The following LRFN2 variants were observed in gnomAD, a reference collection of about 807,000 sequenced individuals.
LRFN2 encodes leucine-rich repeat and fibronectin type-III domain-containing protein 2.
LRFN2 carries 18 observed loss-of-function variants against 37.3 expected under a neutral mutation model. The observed-to-expected ratio is 0.48, with a 90% CI of 0.33 to 0.72. The LOEUF (loss-of-function observed/expected upper bound fraction) is 0.72, where lower values mean the gene tolerates loss of function less well. LRFN2 is among the 30% of genes least tolerant of loss of function. The pLI is 0.02. For synonymous variants in LRFN2, 556 were observed against 466.6 expected (o/e 1.19, Z -2.47); for missense variants, 1,006 against 1,060.7 (o/e 0.95, Z 0.72).
In LRFN2 at chr6:40,425,927, T is replaced by TA. The variant is rs545067809; in HGVS notation, c.1400+5786dup. ...CCATGCCTCTGCTCCTCCTTCCTGG[T>TA]ATGTAGACTAGACCCTGATGTTTTC... On this transcript the variant is annotated intron_variant, in intron 2 of 2. Coordinates refer to ENST00000338305, the MANE Select transcript of LRFN2 (RefSeq NM_020737.3). 3.2e-4 allele frequency among the ~76,000 whole-genome samples: 48 copies of TA among 152,358 alleles called. 1 individual carries two copies. The South Asian group carries it at 1.0e-2, about 32-fold the overall frequency.
chr6:40,578,240 G>A (rs902696788), intron 1 of LRFN2, among the ~76,000 whole-genome samples: 1 of 152,184 alleles, frequency 6.6e-6, no homozygotes, highest in Non-Finnish European at 1.5e-5. Context: ...AGCCTGGAAT[G>A]AGATCTTCCT....
chr6:40,545,383 C>CA (rs547488706), intron 1 of LRFN2, among the ~76,000 whole-genome samples: 76 of 152,304 alleles, frequency 5.0e-4, no homozygotes, highest in African/African-American at 1.8e-3. Context: ...CGAGGCCCCT[C>CA]ACTCACTCAT....
At chr6:40,515,246 G>A (rs1013586975) in intron 1 of LRFN2, among the ~76,000 whole-genome samples, 1 of 152,148 alleles carries the variant, frequency 6.6e-6, no homozygotes, top group African/African-American at 2.4e-5. Context: ...GCAGGGGAAT[G>A]TCATATATGT....
intron 1 of LRFN2, among the ~76,000 whole-genome samples, chr6:40,488,699 T>G (rs1355183448): frequency 6.6e-6 from 1 of 152,118 alleles, no homozygotes; most frequent in Non-Finnish European, 1.5e-5. Context: ...CCTACAACCT[T>G]TAGAAGGACT....
chr6:40,534,740 C>T (rs1269900022), intron 1 of LRFN2, among the ~76,000 whole-genome samples: 2 of 152,180 alleles, frequency 1.3e-5, no homozygotes, highest in Admixed American at 6.5e-5. Context: ...ATCACTCTCC[C>T]CAGGTCTCTG....
intron 1 of LRFN2, among the ~76,000 whole-genome samples, chr6:40,541,759 C>G (rs998564573): frequency 7.2e-5 from 11 of 152,210 alleles, no homozygotes; most frequent in African/African-American, 2.7e-4. Context: ...GCAGAAGATG[C>G]AGGGATACAT....
At chr6:40,444,615 C>T (rs1048918746) in intron 1 of LRFN2, among the ~76,000 whole-genome samples, 3 of 152,168 alleles carry the variant, frequency 2.0e-5, no homozygotes, top group African/African-American at 4.8e-5. Flanking sequence ...GTTCTATAAG[C>T]TGGGTCCCTG....
At chr6:40,472,059 A>G (rs1300795452) in intron 1 of LRFN2, among the ~76,000 whole-genome samples, 2 of 152,204 alleles carry the variant, frequency 1.3e-5, no homozygotes, top group African/African-American at 4.8e-5. Context: ...GGTCCTAAAC[A>G]TGAGCTCCCC....
At chr6:40,458,218 T>C (rs761357506) in intron 1 of LRFN2, among the ~76,000 whole-genome samples, 8 of 152,204 alleles carry the variant, frequency 5.3e-5, no homozygotes, top group Non-Finnish European at 8.8e-5. Context: ...GAGGAACAGA[T>C]GAAACCACTG....
intron 1 of LRFN2, among the ~76,000 whole-genome samples, chr6:40,541,001 T>C (rs1766545513): frequency 6.6e-6 from 1 of 152,198 alleles, no homozygotes; most frequent in African/African-American, 2.4e-5. Flanking sequence ...AGCTATGCTG[T>C]TATGCTGTGG....
In LRFN2 at chr6:40,471,472, T is replaced by C. The variant is rs1488889311; in HGVS notation, c.-18-38341A>G. ...AATCTCTCCCCAGTACACACTGAAC[T>C]GCCCTGGGAGAGGTGGTGTGGCATG... is the stretch of plus-strand genomic sequence containing the variant. On this transcript the variant is annotated intron_variant, in intron 1 of 2. Transcript: ENST00000338305. 2.6e-5 allele frequency among the ~76,000 whole-genome samples: 4 copies of C among 151,734 alleles called. No individual in the cohort carries two copies. In the East Asian group the frequency reaches 8.1e-4, roughly 31 times the overall value.
chr6:40,470,382 C>T (rs895330556), intron 1 of LRFN2, among the ~76,000 whole-genome samples: 3 of 152,186 alleles, frequency 2.0e-5, no homozygotes, highest in East Asian at 3.9e-4. Context: ...GAGGCCAAAG[C>T]GAGCAGATCA....
intron 1 of LRFN2, among the ~76,000 whole-genome samples, chr6:40,584,601 A>T (rs969986158): frequency 3.3e-5 from 5 of 152,144 alleles, no homozygotes; most frequent in Non-Finnish European, 7.3e-5. Context: ...TCAGACTGTG[A>T]ACTCCCTAGA....
intron 1 of LRFN2, among the ~76,000 whole-genome samples, chr6:40,537,783 A>G (rs999097751): frequency 6.6e-6 from 1 of 152,094 alleles, no homozygotes; most frequent in Non-Finnish European, 1.5e-5. Flanking sequence ...CTCAGTGTTA[A>G]AGCTGGATGG....
intron 1 of LRFN2, among the ~76,000 whole-genome samples, chr6:40,522,518 T>C (rs1419184580): frequency 1.3e-5 from 2 of 152,162 alleles, no homozygotes; most frequent in Non-Finnish European, 2.9e-5. Flanking sequence ...CACACAGCTC[T>C]AAGAGGACAA....
intron 1 of LRFN2, among the ~76,000 whole-genome samples, chr6:40,513,187 T>C (rs1448043910): frequency 1.3e-5 from 2 of 152,050 alleles, no homozygotes; most frequent in Non-Finnish European, 2.9e-5. Flanking sequence ...TGAAGGAATA[T>C]AGCAGAACAA....
At chr6:40,403,801 G>T (rs535092993) in intron 2 of LRFN2, among the ~76,000 whole-genome samples, 1 of 152,248 alleles carries the variant, frequency 6.6e-6, no homozygotes, top group South Asian at 2.1e-4. Flanking sequence ...GTCTTTCTCT[G>T]CTCAACCCTG....
At chr6:40,575,028 G>T (rs1767253457) in intron 1 of LRFN2, among the ~76,000 whole-genome samples, 1 of 152,180 alleles carries the variant, frequency 6.6e-6, no homozygotes, top group South Asian at 2.1e-4. Context: ...TCCAGCCATG[G>T]CAATGGGTCC....
Position 40,435,076 on chromosome 6 carries a change from G to C in LRFN2, c.-18-1945C>G, listed in dbSNP as rs542278785. On this transcript the variant is annotated intron_variant, in intron 1 of 2. Transcript: ENST00000338305. ...ATAGAGAGAGAGAGAGAGAGAGAGAGAGAGAGAGAGAGAGACAGAGAGATA... is the reference window on the plus strand; with the variant it reads ...ATAGAGAGAGAGAGAGAGAGAGAGACAGAGAGAGAGAGAGACAGAGAGATA... 1.5e-3 allele frequency among the ~76,000 whole-genome samples: 200 copies of C among 134,892 alleles called. 2 individuals carry two copies. The East Asian group carries it at 0.026, about 18-fold the overall frequency. The allele number at this position is 134,892 out of a possible 152,430, so 88.5% of individuals were successfully genotyped here.
Sources: allele counts gnomAD v4.1 joint callset (sites outside exome capture counted in the v4.1 genomes callset), GRCh38; gene constraint gnomAD v4.1.1; transcripts MANE v1.5; gene names NCBI Gene and HGNC (gene_info 2026-07-23, HGNC 2026-07-21).